Variants in EPHB4 observed in about 807,000 individuals in gnomAD.
EPHB4 encodes EPH receptor B4.
EPHB4 carries 50 observed loss-of-function variants against 110.6 expected under a neutral mutation model. That is an observed-to-expected ratio of 0.45 (90% CI 0.36 to 0.57). EPHB4 has a LOEUF of 0.57. EPHB4 is among the 20% of genes least tolerant of loss of function. The probability of loss-of-function intolerance (pLI) is 0.00; values close to 1 mark genes in which losing one functional copy is unlikely to be tolerated. For synonymous variants in EPHB4, 592 were observed against 578.4 expected (o/e 1.02, Z -0.34); for missense variants, 1,128 against 1,382.1 (o/e 0.82, Z 2.91).
At chr7:100,814,531 G>A (rs1055269627) in intron 8 of EPHB4, among the ~76,000 whole-genome samples, 1 of 152,102 alleles carries the variant, frequency 6.6e-6, no homozygotes, top group African/African-American at 2.4e-5. Context: ...CGCCAGAGTG[G>A]TTTTGATTTG....
chr7:100,827,477 G>C lies in EPHB4; in HGVS notation c.-447C>G, dbSNP rs1813442913. On this transcript the variant is annotated 5_prime_UTR_variant, in exon 1 of 17. Transcript: ENST00000358173. ...GCGGGAGGGAGGGAGACTGCGGCGC[G>C]GAGCCGGGCGGGCCGGGCCGGGCAG... 2 of 151,180 alleles carry C rather than the reference G, an allele frequency of 1.3e-5. No individual in the cohort carries two copies. Among genetic ancestry groups the C allele is most frequent in the Non-Finnish European group, 3.0e-5 (2 of 67,614 alleles). The allele number at this position is 151,180 out of a possible 1,614,324, so 9.4% of individuals were successfully genotyped here.
intron 8 of EPHB4, 121 bp from the exon 9 acceptor site, chr7:100,814,142 G>A: frequency 9.4e-7 from 1 of 1,063,828 alleles, no homozygotes; most frequent in Non-Finnish European, 1.3e-6. Context: ...GGGACAGGTG[G>A]AGGGAGAGGA....
In EPHB4 at chr7:100,803,523, T is replaced by C; in HGVS notation, c.2902A>G (p.Met968Val). The change falls in exon 17 of 17, where the codon ATG becomes GTG. Residue 968 changes from methionine (M) to valine (V), a missense_variant. This residue lies in a region of EPHB4 where 209 missense variants were observed against 240.5 expected (regional missense o/e 0.87). Coordinates refer to ENST00000358173, the MANE Select transcript of EPHB4 (RefSeq NM_004444.5). The part of the protein sequence containing the change: ...QKKILASVQH[M>V]KSQAKPGTPG... ...GTTCCCGGCTTGGCCTGGGACTTCA[T>C]GTGCTGGACACTGGCCAAGATTTTC... 1.3e-6 allele frequency: 2 copies of C among 1,597,880 alleles called. No homozygotes were observed. Among genetic ancestry groups the C allele is most frequent in the Non-Finnish European group, 1.7e-6 (2 of 1,172,172 alleles).
At chr7:100,818,395 G>A (rs1377579750) in intron 7 of EPHB4, 125 bp downstream of exon 7, 2 of 1,437,520 alleles carry the variant, frequency 1.4e-6, no homozygotes, top group Non-Finnish European at 1.9e-6. Context: ...CTTACCCAAG[G>A]CTGCCCAGGG....
intron 8 of EPHB4, among the ~76,000 whole-genome samples, chr7:100,815,208 A>T (rs1468596477): frequency 6.6e-6 from 1 of 152,020 alleles, no homozygotes; most frequent in Non-Finnish European, 1.5e-5. Context: ...CTACAGTCCC[A>T]GCTGCTTGGG....
chr7:100,820,833 A>C (rs1421660389), intron 4 of EPHB4, among the ~76,000 whole-genome samples: 1 of 152,000 alleles, frequency 6.6e-6, no homozygotes. Context: ...GAGCAAAAAC[A>C]ATCTTTTGGC....
chr7:100,807,181 C>T (rs1431074019), intron 13 of EPHB4, among the ~76,000 whole-genome samples, 184 bp downstream of exon 13: 1 of 152,054 alleles, frequency 6.6e-6, no homozygotes, highest in Non-Finnish European at 1.5e-5. Context: ...CCAGGTTATC[C>T]AACTGTTATT....
In EPHB4 at chr7:100,807,513, C is replaced by T. The variant is rs773679415; in HGVS notation, c.2186G>A (p.Arg729Gln). Residue 729 changes from arginine to glutamine, a missense_variant, in exon 13 of 17, where the codon CGG (arginine) becomes CAG (glutamine). Coordinates refer to ENST00000358173, the MANE Select transcript of EPHB4 (RefSeq NM_004444.5). ...GMLRGIASGM[R>Q]YLAEMSYVHR... ...GACGTAGCTCATCTCGGCAAGGTAC[C>T]GCATGCCCGAGGCGATGCCCCGCAG... 9 of 1,614,050 alleles carry T rather than the reference C, an allele frequency of 5.6e-6. No individual in the cohort carries two copies. The highest frequency in any genetic ancestry group is 3.3e-5 in the South Asian group (3 of 91,076).
rs534368922 is a variant in EPHB4 at position 100,819,734 on chromosome 7, C to A, written c.1120G>T (p.Gly374Trp). Residue 374 changes from glycine to tryptophan, a missense_variant, in exon 6 of 17, where the codon GGG (glycine) becomes TGG (tryptophan). Physicochemically the swap from Gly to Trp is radical, Grantham distance 184 (BLOSUM62 -2). This residue lies in a region of EPHB4 where 728 missense variants were observed against 828.6 expected (regional missense o/e 0.88). Coordinates refer to ENST00000358173, the MANE Select transcript of EPHB4 (RefSeq NM_004444.5). ...CCGGGGTCAAAAGTCAGGTCTCCCCCGCAGGGCGCACAGGAGCCTCCGGGT... is the reference window on the plus strand; with the variant it reads ...CCGGGGTCAAAAGTCAGGTCTCCCCAGCAGGGCGCACAGGAGCCTCCGGGT... ...CRPGGSCAPC[G>W]GDLTFDPGPR... 7 of 1,611,038 alleles carry A rather than the reference C, an allele frequency of 4.3e-6. No homozygotes were observed. Among genetic ancestry groups the A allele is most frequent in the Non-Finnish European group, 5.9e-6 (7 of 1,178,962 alleles).
In EPHB4 at chr7:100,807,512, C is replaced by A; in HGVS notation, c.2187G>T (p.Arg729=). The change falls in exon 13 of 17, where the codon CGG becomes CGT. Residue 729 remains arginine (R), a synonymous_variant. Transcript: ENST00000358173. ...GGACGTAGCTCATCTCGGCAAGGTACCGCATGCCCGAGGCGATGCCCCGCA... is the reference window on the plus strand; with the variant it reads ...GGACGTAGCTCATCTCGGCAAGGTAACGCATGCCCGAGGCGATGCCCCGCA... ...GMLRGIASGM[R]YLAEMSYVHR... 1 of 1,614,128 alleles carries A rather than the reference C, an allele frequency of 6.2e-7. No homozygotes were observed. The highest frequency in any genetic ancestry group is 1.1e-5 in the South Asian group (1 of 91,084).
intron 9 of EPHB4, 90 bp downstream of exon 9, chr7:100,813,829 G>A: frequency 1.9e-6 from 3 of 1,599,234 alleles, no homozygotes; most frequent in Non-Finnish European, 2.6e-6. Flanking sequence ...AAAGAGGCTG[G>A]GGACAGCCAG....
rs375461456 is a variant in EPHB4 at position 100,806,521 on chromosome 7, G to A, written c.2383C>T (p.Arg795Trp). The change falls in exon 14 of 17, where the codon CGG (arginine) becomes TGG (tryptophan). Residue 795 changes from arginine to tryptophan, a missense_variant. Around this residue, in one of 3 missense-constraint regions of EPHB4, gnomAD observed 191 missense variants for 313.0 expected, o/e 0.61. Transcript: ENST00000358173. ...GCATCACTGGCGGAAGTGAACTTCC[G>A]GAAGGCAATGGCCTCCGGGGCAGTC... ...RWTAPEAIAF[R>W]KFTSASDAWS... 4 of 1,613,934 alleles carry A rather than the reference G, an allele frequency of 2.5e-6. No homozygotes were observed. Among genetic ancestry groups the A allele is most frequent in the Non-Finnish European group, 3.4e-6 (4 of 1,180,022 alleles).
chr7:100,822,619 C>G lies in EPHB4; in HGVS notation c.460G>C (p.Glu154Gln). ...TTGACATTCACCTTCCCGGTGGCCT[C>G]GGCCCCAGGGCGCTTCCGGGTGAGA... Reference protein sequence around the residue: ...EHLTRKRPGAEATGKVNVKTL... With the variant: ...EHLTRKRPGAQATGKVNVKTL... Residue 154 changes from glutamate to glutamine, a missense_variant, in exon 4 of 17, where the codon GAG becomes CAG. This residue lies in a region of EPHB4 where 728 missense variants were observed against 828.6 expected (regional missense o/e 0.88). Transcript: ENST00000358173. The surrounding 1 kb of genome is among the most constrained non-coding windows in gnomAD (Gnocchi z 4.7). 6.2e-7 allele frequency: 1 copy of G among 1,602,294 alleles called. No homozygotes were observed.
chr7:100,822,260 C>G lies in EPHB4; in HGVS notation c.808+11G>C. On this transcript the variant is annotated intron_variant, in intron 4 of 16. Coordinates refer to ENST00000358173, the MANE Select transcript of EPHB4 (RefSeq NM_004444.5). This position sits in a 1 kb window ranked among gnomAD's most constrained non-coding sequence, Gnocchi z 4.7. ...ATGAGCAGCAGTCGCAGGGGAAGCT[C>G]CAGCTCTCACCTCGGCACTTGGTGT... 6.4e-7 allele frequency: 1 copy of G among 1,553,844 alleles called. No homozygotes were observed.
At chr7:100,805,016 C>T (rs1812785120) in intron 16 of EPHB4, 150 bp downstream of exon 16, 3 of 1,119,232 alleles carry the variant, frequency 2.7e-6, no homozygotes, top group Non-Finnish European at 3.7e-6. Context: ...GTGACTGCTC[C>T]TCTGGGGCCC....
At chr7:100,803,628 T>C (rs1405691003) in intron 16 of EPHB4, 38 bp from the exon 17 acceptor site, 3 of 1,559,422 alleles carry the variant, frequency 1.9e-6, no homozygotes, top group Non-Finnish European at 2.6e-6. Context: ...GACCCTAGGT[T>C]CCCTGTGGCC....
At position 100,822,692 on chromosome 7, in the gene EPHB4, G is replaced by T. The variant is rs759230339; in HGVS notation, c.412-25C>A. On this transcript the variant is annotated intron_variant, in intron 3 of 16. Transcript: ENST00000358173. The surrounding 1 kb of genome is among the most constrained non-coding windows in gnomAD (Gnocchi z 4.7). ...CCTGCCGGCGGGGGGGAGGCACACC[G>T]CTGCTGTCCCCACTCCCTGAGGACC... is the stretch of plus-strand genomic sequence containing the variant. The T allele has an allele frequency of 6.6e-7, 1 of 1,515,568 alleles. No homozygotes were observed. Among genetic ancestry groups the T allele is most frequent in the Admixed American group, 2.0e-5 (1 of 49,250 alleles). 93.9% of individuals were successfully genotyped at this position (1,515,568 alleles called of 1,614,324 possible).
In EPHB4 at chr7:100,819,843, G is replaced by A. The variant is rs1167804691; in HGVS notation, c.1011C>T (p.Ser337=). 3.2e-6 allele frequency: 5 copies of A among 1,554,204 alleles called. No homozygotes were observed. The highest frequency in any genetic ancestry group is 4.4e-6 in the Non-Finnish European group (5 of 1,149,102). ...PRSVVSRLNG[S]SLHLEWSAPL... ...GGGCACTCCATTCCAGGTGCAGGGA[G>A]GAGCCGTTCAGGCGGGAAACCACGC... Residue 337 remains serine (S), a synonymous_variant, in exon 6 of 17, where the codon TCC becomes TCT. Coordinates refer to ENST00000358173, the MANE Select transcript of EPHB4 (RefSeq NM_004444.5).
At chr7:100,813,788 A>T in intron 9 of EPHB4, 72 bp from the exon 10 acceptor site, 2 of 1,609,192 alleles carry the variant, frequency 1.2e-6, no homozygotes, top group Non-Finnish European at 1.7e-6. Context: ...CACCAAAGGA[A>T]GGAGCAGGGA....
Sources: allele counts gnomAD v4.1 joint callset (sites outside exome capture counted in the v4.1 genomes callset), GRCh38; gene constraint gnomAD v4.1.1; regional missense constraint gnomAD v4.1.1; non-coding constraint Gnocchi (gnomAD v3.1); transcripts MANE v1.5; gene names NCBI Gene and HGNC (gene_info 2026-07-23, HGNC 2026-07-21).